Variants in KLK7 observed in about 807,000 individuals in gnomAD.
KLK7 encodes kallikrein related peptidase 7, also known as kallikrein-7.
KLK7 carries 17 observed loss-of-function variants against 21.0 expected under a neutral mutation model. The observed-to-expected ratio is 0.81, with a 90% CI of 0.55 to 1.21. The LOEUF (loss-of-function observed/expected upper bound fraction) is 1.21, where lower values mean the gene tolerates loss of function less well. KLK7 is among the 50% of genes most tolerant of loss of function. KLK7 has a pLI of 0.00. For synonymous variants in KLK7, 151 were observed against 134.6 expected, an observed-to-expected ratio of 1.12 and a Z score of -0.85; for missense variants, 330 against 322.8, an observed-to-expected ratio of 1.02 and a Z score of -0.17.
Position 50,977,168 on chromosome 19 carries a change from T to C in KLK7, c.*368A>G, listed in dbSNP as rs1052297694. The C allele has an allele frequency of 1.1e-5, 2 of 179,308 alleles. No individual in the cohort carries two copies. The highest frequency in any genetic ancestry group is 1.2e-4 in the Admixed American group (2 of 16,748). The allele number at this position is 179,308 out of a possible 1,614,324, so 11.1% of individuals were successfully genotyped here. ...ATCATGGTAAATTCAAGTCTTGTTC[T>C]ACATTTTGGATTTTTTTTGTTTCAG... On this transcript the variant is annotated 3_prime_UTR_variant, in exon 6 of 6. Transcript: ENST00000595820.
chr19:50,978,395 A>G (rs1176040027), intron 5 of KLK7, among the ~76,000 whole-genome samples: 1 of 151,778 alleles, frequency 6.6e-6, no homozygotes, highest in Non-Finnish European at 1.5e-5. Context: ...AGACAGAGAG[A>G]GTTGGAGGTG....
rs1408760733 is a variant in KLK7 at position 50,983,898 on chromosome 19, AGCTGG to A, written c.-111_-107del. 1 of 1,288,980 alleles carries A rather than the reference AGCTGG, an allele frequency of 7.8e-7. No individual in the cohort carries two copies. The allele number at this position is 1,288,980 out of a possible 1,614,324, so 79.8% of individuals were successfully genotyped here. ...CAAGTTCCGACTTGGGCTGGCACAC[AGCTGG>A]GCTCCAAAATCTTCATCCCTCTGCT... On this transcript the variant is annotated 5_prime_UTR_variant, in exon 1 of 6. Coordinates refer to ENST00000595820, the MANE Select transcript of KLK7 (RefSeq NM_005046.4).
rs1208611105 is a variant in KLK7, at chr19:50,976,859, T to G, written c.*677A>C. On this transcript the variant is annotated 3_prime_UTR_variant, in exon 6 of 6. Coordinates refer to ENST00000595820, the MANE Select transcript of KLK7 (RefSeq NM_005046.4). ...GCGTTCAAGACCATGCTGGCCAACA[T>G]GGTGAAACCCTGTCTCTAGTAAAAA... The G allele has an allele frequency of 6.6e-6, 1 of 152,216 alleles. No homozygotes were observed. Among genetic ancestry groups the G allele is most frequent in the Non-Finnish European group, 1.5e-5 (1 of 68,052 alleles). 9.4% of individuals were successfully genotyped at this position (152,216 alleles called of 1,614,324 possible).
In KLK7 at chr19:50,980,390, G is replaced by A. The variant is rs1456361924; in HGVS notation, c.319C>T (p.Gln107Ter). ...AGCATGAGGTCATTAACATGGGTCT[G>A]TGTGGAGTAGCCGGGGTGGCGGAAT... ...KSFRHPGYST[Q>*]THVNDLMLVK... Residue 107 changes from glutamine to a stop codon, truncating the protein, a stop_gained, in exon 4 of 6, where the codon CAG (glutamine) becomes TAG (stop). Transcript: ENST00000595820. LOFTEE classifies it high-confidence loss of function. 3 of 1,614,070 alleles carry A rather than the reference G, an allele frequency of 1.9e-6. No homozygotes were observed. The highest frequency in any genetic ancestry group is 1.7e-5 in the Admixed American group (1 of 60,024).
At chr19:50,983,958 C>T (rs950452743), upstream of KLK7, 1 of 1,283,496 alleles carries the variant, frequency 7.8e-7, no homozygotes, top group African/African-American at 1.5e-5. Context: ...CCCCCCGCCC[C>T]ATGCCCGGCC....
Position 50,979,822 on chromosome 19 carries a change from G to C in KLK7, c.572C>G (p.Ala191Gly), listed in dbSNP as rs1239031550. The change falls in exon 5 of 6, where the codon GCT becomes GGT. Residue 191 changes from alanine to glycine, a missense_variant. By Grantham distance (60) the Ala-to-Gly change is moderately conservative. Coordinates refer to ENST00000595820, the MANE Select transcript of KLK7 (RefSeq NM_005046.4). Reference sequence around the variant, plus strand: ...GTTTTTCTTGGAGTCGGGGATGCCAGCGCACAGCATGGAATTTTCCAGTAA... The same window carrying C: ...GTTTTTCTTGGAGTCGGGGATGCCACCGCACAGCATGGAATTTTCCAGTAA... ...KDLLENSMLC[A>G]GIPDSKKNAC... 1 of 1,576,162 alleles carries C rather than the reference G, an allele frequency of 6.3e-7. No individual in the cohort carries two copies. The highest frequency in any genetic ancestry group is 8.6e-7 in the Non-Finnish European group (1 of 1,159,946).
Position 50,982,486 on chromosome 19 carries a change from C to A in KLK7, c.-58-29G>T, listed in dbSNP as rs568437008. The A allele has an allele frequency of 1.6e-5, 25 of 1,527,794 alleles. No homozygotes were observed. In the African/African-American group the frequency reaches 2.7e-4, roughly 17 times the overall value. 94.6% of individuals were successfully genotyped at this position (1,527,794 alleles called of 1,614,324 possible). On this transcript the variant is annotated intron_variant, in intron 1 of 5. Transcript: ENST00000595820. ...AGAAGGAGAAAGCATTCAGGCCCAG[C>A]CCCTCCCCACTCAGACCCAGGGGTC...
rs2091040707 is a variant in KLK7, at chr19:50,976,578, G to A, written c.*958C>T. On this transcript the variant is annotated 3_prime_UTR_variant, in exon 6 of 6. Transcript: ENST00000595820. ...CACCTCATGACGACCCCAGTATGCA[G>A]TCTGGGACATGTGTTTTCAGATCTG... 6.6e-6 allele frequency: 1 copy of A among 152,202 alleles called. No homozygotes were observed. The highest frequency in any genetic ancestry group is 2.4e-5 in the African/African-American group (1 of 41,440). The allele number at this position is 152,202 out of a possible 1,614,324, so 9.4% of individuals were successfully genotyped here.
In KLK7 at chr19:50,982,532, C is replaced by T. The variant is rs553846581; in HGVS notation, c.-58-75G>A. On this transcript the variant is annotated intron_variant, in intron 1 of 5. Coordinates refer to ENST00000595820, the MANE Select transcript of KLK7 (RefSeq NM_005046.4). Reference sequence around the variant, plus strand: ...GGGTCCAGGCCCCAGCCCCTCCCCCCACAGACCCAGGAGTCCAGGCCCCAG... The same window carrying T: ...GGGTCCAGGCCCCAGCCCCTCCCCCTACAGACCCAGGAGTCCAGGCCCCAG... The T allele has an allele frequency of 6.5e-6, 9 of 1,391,194 alleles. No homozygotes were observed. The African/African-American group carries it at 7.2e-5, about 11-fold the overall frequency. 86.2% of individuals were successfully genotyped at this position (1,391,194 alleles called of 1,614,324 possible).
chr19:50,980,088 G>T, intron 4 of KLK7, 152 bp downstream of exon 4: 1 of 1,175,772 alleles, frequency 8.5e-7, no homozygotes, highest in Non-Finnish European at 1.2e-6. Flanking sequence ...TCTGAGGGAG[G>T]AGGGGCTGGG....
chr19:50,979,404 T>G (rs569799818), intron 5 of KLK7, among the ~76,000 whole-genome samples: 7 of 152,384 alleles, frequency 4.6e-5, no homozygotes, highest in Admixed American at 1.3e-4. Flanking sequence ...ATTTAAAATG[T>G]GACATTTTGT....
rs1187980076 is a variant in KLK7 at position 50,980,233 on chromosome 19, C to T, written c.469+7G>A. On this transcript the variant is annotated splice_region_variant and intron_variant, in intron 4 of 5. Transcript: ENST00000595820. ...GCCTGCACTCCTGGGTCACTGAGGC[C>T]ACCTACCATCTGGGCTCGTGGTAGT... The T allele has an allele frequency of 6.2e-7, 1 of 1,613,312 alleles. No individual in the cohort carries two copies. Among genetic ancestry groups the T allele is most frequent in the Admixed American group, 1.7e-5 (1 of 59,932 alleles).
intron 5 of KLK7, 90 bp downstream of exon 5, chr19:50,979,698 T>G: frequency 1.5e-6 from 2 of 1,333,838 alleles, no homozygotes; most frequent in Non-Finnish European, 2.1e-6. Context: ...AGGCCGGGCT[T>G]GGTACCCAGT....
chr19:50,977,690 C>T lies in KLK7; in HGVS notation c.608G>A (p.Gly203Asp). The T allele has an allele frequency of 1.2e-6, 2 of 1,612,224 alleles. No individual in the cohort carries two copies. Among genetic ancestry groups the T allele is most frequent in the Non-Finnish European group, 1.7e-6 (2 of 1,179,436 alleles). Residue 203 changes from glycine to aspartate, a missense_variant and splice_region_variant, in exon 6 of 6, where the codon GGT becomes GAT. Gly to Asp is a moderately conservative substitution (Grantham distance 94). Transcript: ENST00000595820. ...IPDSKKNACN[G>D]DSGGPLVCRG... ...GCACACCAACGGTCCCCCTGAGTCA[C>T]CCTAGAGGGAATAGAGCCGGAGATT...
chr19:50,980,285 TTCCAGGGG>T lies in KLK7; in HGVS notation c.416_423del (p.Pro139HisfsTer21). The T allele has an allele frequency of 6.2e-7, 1 of 1,613,924 alleles. No individual in the cohort carries two copies. Among genetic ancestry groups the T allele is most frequent in the Admixed American group, 1.7e-5 (1 of 59,992 alleles). ...CCCCAGCCGGAGACAGTACAGGTGG[TTCCAGGGG>T]GTTCGCAGCGGGAGGGCAGCCTGAC... On this transcript the variant is annotated frameshift_variant, in exon 4 of 6. Transcript: ENST00000595820. LOFTEE classifies it high-confidence loss of function.
intron 4 of KLK7, 103 bp from the exon 5 acceptor site, chr19:50,980,027 C>T (rs1395092935): frequency 2.8e-6 from 4 of 1,427,854 alleles, no homozygotes; most frequent in Admixed American, 2.2e-5. Flanking sequence ...GGGTCTGGGG[C>T]CCAGGACTGC....
intron 1 of KLK7, among the ~76,000 whole-genome samples, chr19:50,983,244 G>GA (rs1250513676): frequency 1.5e-5 from 1 of 68,844 alleles, no homozygotes; most frequent in Non-Finnish European, 2.7e-5. Context: ...CAGGAGTCCA[G>GA]GCCCCAGCCC....
At chr19:50,982,551 GCCCCAGC>G in intron 1 of KLK7, 94 bp from the exon 2 acceptor site, 2 of 271,344 alleles carry the variant, frequency 7.4e-6, no homozygotes, top group Non-Finnish European at 1.0e-5. Flanking sequence ...AGGAGTCCAG[GCCCCAGC>G]CCCTCCTCCC....
chr19:50,980,303 G>A lies in KLK7; in HGVS notation c.406C>T (p.Arg136Cys), dbSNP rs757311112. The change falls in exon 4 of 6, where the codon CGC becomes TGC. Residue 136 changes from arginine to cysteine, a missense_variant. Physicochemically the swap from Arg to Cys is radical, Grantham distance 180. Coordinates refer to ENST00000595820, the MANE Select transcript of KLK7 (RefSeq NM_005046.4). ...SMVKKVRLPS[R>C]CEPPGTTCTV... ...CAGGTGGTTCCAGGGGGTTCGCAGC[G>A]GGAGGGCAGCCTGACTTTCTTCACC... is the stretch of plus-strand genomic sequence containing the variant. 8 of 1,613,938 alleles carry A rather than the reference G, an allele frequency of 5.0e-6. No individual in the cohort carries two copies. Among genetic ancestry groups the A allele is most frequent in the Non-Finnish European group, 6.8e-6 (8 of 1,179,982 alleles).
Sources: gnomAD v4.1 joint callset for allele counts (sites outside exome capture counted in the v4.1 genomes callset) on GRCh38, gnomAD v4.1.1 for gene constraint, MANE v1.5 for transcripts, NCBI Gene and HGNC (gene_info 2026-07-23, HGNC 2026-07-21) for gene names.